TACSTD2: variants seen among roughly 807,000 people sequenced by gnomAD.
TACSTD2 encodes tumor-associated calcium signal transducer 2.
A neutral mutation model predicts 7.9 loss-of-function variants in TACSTD2; 6 were observed. That is an observed-to-expected ratio of 0.76 (90% CI 0.42 to 1.50). The LOEUF is 1.50. Ranked by LOEUF, TACSTD2 falls within the 40% of genes most tolerant of loss-of-function variation. The pLI is 0.01. For synonymous variants in TACSTD2, 220 were observed against 225.5 expected (o/e 0.98, Z 0.22); for missense variants, 511 against 471.2 (o/e 1.08, Z -0.78).
Position 58,575,989 on chromosome 1 carries a change from A to G in TACSTD2, c.*196T>C. The G allele has an allele frequency of 1.5e-6, 1 of 678,994 alleles. No individual in the cohort carries two copies. Among genetic ancestry groups the G allele is most frequent in the East Asian group, 2.8e-5 (1 of 36,222 alleles). 42.1% of individuals were successfully genotyped at this position (678,994 alleles called of 1,614,324 possible). A position where few individuals can be genotyped will look rare whatever the true frequency, so the allele number is the denominator to read the frequency against. On this transcript the variant is annotated 3_prime_UTR_variant, in exon 1 of 1. Transcript: ENST00000371225. ...ACATTTTAGAAATGCTTCCTTCAAG[A>G]CAGAAGTGAGAAAGAAAGGAGACCC...
At position 58,576,047 on chromosome 1, in the gene TACSTD2, G is replaced by C. The variant is rs553411076; in HGVS notation, c.*138C>G. 2 of 1,074,960 alleles carry C rather than the reference G, an allele frequency of 1.9e-6. No individual in the cohort carries two copies. The highest frequency in any genetic ancestry group is 2.6e-6 in the Non-Finnish European group (2 of 761,892). 66.6% of individuals were successfully genotyped at this position (1,074,960 alleles called of 1,614,324 possible). ...AGGATCTATTAAACCTGGTGTGTGC[G>C]CAAAAGGGAGGGGGAAGGCAGGAAT... On this transcript the variant is annotated 3_prime_UTR_variant, in exon 1 of 1. Transcript: ENST00000371225.
At position 58,576,035 on chromosome 1, in the gene TACSTD2, C is replaced by A; in HGVS notation, c.*150G>T. On this transcript the variant is annotated 3_prime_UTR_variant, in exon 1 of 1. Transcript: ENST00000371225. Reference sequence around the variant, plus strand: ...GACCCTGAGGCCAGGATCTATTAAACCTGGTGTGTGCGCAAAAGGGAGGGG... The same window carrying A: ...GACCCTGAGGCCAGGATCTATTAAAACTGGTGTGTGCGCAAAAGGGAGGGG... The A allele has an allele frequency of 1.1e-6, 1 of 942,998 alleles. No homozygotes were observed. The highest frequency in any genetic ancestry group is 1.6e-6 in the Non-Finnish European group (1 of 644,006). 58.4% of individuals were successfully genotyped at this position (942,998 alleles called of 1,614,324 possible).
chr1:58,577,078 G>A lies in TACSTD2; in HGVS notation c.79C>T (p.His27Tyr). ...GTGCAGTTGTCCTGCGCGGCCGTGT[G>A]GCCGGTCACCGCCGCCAGCACCAGC... ...LLLVLAAVTG[H>Y]TAAQDNCTCP... The change falls in exon 1 of 1, where the codon CAC becomes TAC. Residue 27 changes from histidine to tyrosine, a missense_variant. His to Tyr is a moderately conservative substitution (Grantham distance 83). Transcript: ENST00000371225. 6 of 1,482,748 alleles carry A rather than the reference G, an allele frequency of 4.0e-6. No individual in the cohort carries two copies. The highest frequency in any genetic ancestry group is 5.3e-6 in the Non-Finnish European group (6 of 1,125,062). The allele number at this position is 1,482,748 out of a possible 1,614,324, so 91.8% of individuals were successfully genotyped here.
Position 58,576,168 on chromosome 1 carries a change from C to G in TACSTD2, c.*17G>C, listed in dbSNP as rs758777643. The G allele has an allele frequency of 3.7e-6, 6 of 1,612,496 alleles. 1 individual carries two copies. The South Asian group carries it at 6.6e-5, about 18-fold the overall frequency. ...CGAAATCCGGTACCCCACCCCATCC[C>G]CTGCCCCGCCGGGTACCTACAAGCT... On this transcript the variant is annotated 3_prime_UTR_variant, in exon 1 of 1. Transcript: ENST00000371225.
At position 58,576,220 on chromosome 1, in the gene TACSTD2, C is replaced by G. The variant is rs529900062; in HGVS notation, c.937G>C (p.Glu313Gln). The G allele has an allele frequency of 1.4e-5, 23 of 1,614,196 alleles. No homozygotes were observed. In the African/African-American group the frequency reaches 2.8e-4, roughly 20 times the overall value. The change falls in exon 1 of 1, where the codon GAA (glutamate) becomes CAA (glutamine). Residue 313 changes from glutamate to glutamine, a missense_variant. Physicochemically the swap from Glu to Gln is conservative, Grantham distance 29 (BLOSUM62 2). Transcript: ENST00000371225. ...SGKYKKVEIKELGELRKEPSL is the reference protein window; with the variant it reads ...SGKYKKVEIKQLGELRKEPSL Reference sequence around the variant, plus strand: ...GGTTCCTTTCTCAACTCCCCCAGTTCCTTGATCTCCACCTTCTTGTACTTC... The same window carrying G: ...GGTTCCTTTCTCAACTCCCCCAGTTGCTTGATCTCCACCTTCTTGTACTTC...
rs1050879196 is a variant in TACSTD2 at position 58,575,474 on chromosome 1, A to C, written c.*711T>G. On this transcript the variant is annotated 3_prime_UTR_variant, in exon 1 of 1. Coordinates refer to ENST00000371225, the MANE Select transcript of TACSTD2 (RefSeq NM_002353.3). ...TATTAAATTCGTGTTTTATTTTAAA[A>C]AATTACAGCAACATTATCAAAGACA... 3 of 152,222 alleles carry C rather than the reference A, an allele frequency of 2.0e-5. No homozygotes were observed. Among genetic ancestry groups the C allele is most frequent in the African/African-American group, 7.2e-5 (3 of 41,458 alleles). 9.4% of individuals were successfully genotyped at this position (152,222 alleles called of 1,614,324 possible).
Position 58,575,854 on chromosome 1 carries a change from G to A in TACSTD2, c.*331C>T. The A allele has an allele frequency of 3.3e-6, 1 of 299,382 alleles. No homozygotes were observed. The highest frequency in any genetic ancestry group is 6.2e-6 in the Non-Finnish European group (1 of 160,076). The allele number at this position is 299,382 out of a possible 1,614,324, so 18.5% of individuals were successfully genotyped here. Reference sequence around the variant, plus strand: ...AATGTCGCAATGGATTCAGTTACTTGCAAACGATCCCGGGTTGTCATACAG... The same window carrying A: ...AATGTCGCAATGGATTCAGTTACTTACAAACGATCCCGGGTTGTCATACAG... On this transcript the variant is annotated 3_prime_UTR_variant, in exon 1 of 1. Coordinates refer to ENST00000371225, the MANE Select transcript of TACSTD2 (RefSeq NM_002353.3).
At position 58,576,938 on chromosome 1, in the gene TACSTD2, A is replaced by G. The variant is rs779797221; in HGVS notation, c.219T>C (p.Cys73=). The G allele has an allele frequency of 1.9e-6, 3 of 1,587,880 alleles. No individual in the cohort carries two copies. Among genetic ancestry groups the G allele is most frequent in the Non-Finnish European group, 2.6e-6 (3 of 1,172,808 alleles). ...AVDCSTLTSK[C]LLLKARMSAP... ...CGCTCATGCGCGCCTTGAGCAGCAG[A>G]CACTTGGAGGTCAGCGTGGAGCAGT... The change falls in exon 1 of 1, where the codon TGT becomes TGC. Residue 73 remains cysteine, a synonymous_variant. Transcript: ENST00000371225.
Position 58,577,002 on chromosome 1 carries a change from C to G in TACSTD2, c.155G>C (p.Arg52Pro). 1 of 1,565,606 alleles carries G rather than the reference C, an allele frequency of 6.4e-7. No homozygotes were observed. The highest frequency in any genetic ancestry group is 8.6e-7 in the Non-Finnish European group (1 of 1,158,788). ...CGAGCCCAGCGCGCGGCACTGGCAG[C>G]GGCCGCCGGGGCCGTCGGGGCTGCA... is the stretch of plus-strand genomic sequence containing the variant. ...TVCSPDGPGG[R>P]CQCRALGSGM... The change falls in exon 1 of 1, where the codon CGC (arginine) becomes CCC (proline). Residue 52 changes from arginine to proline, a missense_variant. Coordinates refer to ENST00000371225, the MANE Select transcript of TACSTD2 (RefSeq NM_002353.3).
In TACSTD2 at chr1:58,576,805, G is replaced by A. The variant is rs80358223; in HGVS notation, c.352C>T (p.Gln118Ter). ...CDPEGRFKAR[Q>*]CNQTSVCWCV... ...CAGCACACCGACGTCTGGTTGCACT[G>A]GCGCGCCTTGAAGCGGCCCTCGGGG... The change falls in exon 1 of 1, where the codon CAG (glutamine) becomes TAG (stop). Residue 118 changes from glutamine to a stop codon, truncating the protein, a stop_gained. Transcript: ENST00000371225. LOFTEE classifies it high-confidence loss of function. 4.4e-6 allele frequency: 7 copies of A among 1,597,008 alleles called. No homozygotes were observed. The East Asian group carries it at 1.6e-4, about 36-fold the overall frequency.
chr1:58,576,530 C>A lies in TACSTD2; in HGVS notation c.627G>T (p.Thr209=), dbSNP rs1283399219. 13 of 1,612,214 alleles carry A rather than the reference C, an allele frequency of 8.1e-6. No homozygotes were observed. The highest frequency in any genetic ancestry group is 1.1e-5 in the Non-Finnish European group (13 of 1,179,450). The change falls in exon 1 of 1, where the codon ACG becomes ACT. Residue 209 remains threonine (T), a synonymous_variant. Transcript: ENST00000371225. ...PTIQIELRQN[T]SQKAAGDVDI... ...CCACGTCACCGGCGGCCTTCTGAGA[C>A]GTGTTCTGCCGCAGCTCGATCTGGA...
rs1479691692 is a variant in TACSTD2 at position 58,577,248 on chromosome 1, C to T, written c.-92G>A. The stretch of plus-strand genomic sequence containing the variant: ...TCCGGCGTCTGGGATGGTCTGCAGG[C>T]GTCTGCCGCCCGGCCGCTCCCTCCG... On this transcript the variant is annotated 5_prime_UTR_variant, in exon 1 of 1. Transcript: ENST00000371225. 1.5e-6 allele frequency: 2 copies of T among 1,296,172 alleles called. No individual in the cohort carries two copies. The highest frequency in any genetic ancestry group is 2.0e-6 in the Non-Finnish European group (2 of 1,025,252). The allele number at this position is 1,296,172 out of a possible 1,614,324, so 80.3% of individuals were successfully genotyped here. A position where few individuals can be genotyped will look rare whatever the true frequency, so the allele number is the denominator to read the frequency against.
At position 58,575,834 on chromosome 1, in the gene TACSTD2, C is replaced by T. The variant is rs1646876291; in HGVS notation, c.*351G>A. The T allele has an allele frequency of 3.7e-6, 1 of 270,056 alleles. No homozygotes were observed. Among genetic ancestry groups the T allele is most frequent in the Non-Finnish European group, 7.1e-6 (1 of 141,722 alleles). The allele number at this position is 270,056 out of a possible 1,614,324, so 16.7% of individuals were successfully genotyped here. On this transcript the variant is annotated 3_prime_UTR_variant, in exon 1 of 1. Transcript: ENST00000371225. ...AAACTCATTTAAGCCTTCACAATGT[C>T]GCAATGGATTCAGTTACTTGCAAAC... is the stretch of plus-strand genomic sequence containing the variant.
Position 58,576,912 on chromosome 1 carries a change from G to C in TACSTD2, c.245C>G (p.Ala82Gly). The C allele has an allele frequency of 6.3e-7, 1 of 1,587,248 alleles. No homozygotes were observed. The highest frequency in any genetic ancestry group is 1.3e-5 in the African/African-American group (1 of 74,734). ...KCLLLKARMS[A>G]PKNARTLVRP... ...CACCAGCGTGCGGGCGTTCTTGGGG[G>C]CGCTCATGCGCGCCTTGAGCAGCAG... Residue 82 changes from alanine to glycine, a missense_variant, in exon 1 of 1, where the codon GCC becomes GGC. By Grantham distance (60) the Ala-to-Gly change is moderately conservative (BLOSUM62 0). Coordinates refer to ENST00000371225, the MANE Select transcript of TACSTD2 (RefSeq NM_002353.3).
Position 58,576,343 on chromosome 1 carries a change from G to A in TACSTD2, c.814C>T (p.Arg272Cys), listed in dbSNP as rs766066055. The A allele has an allele frequency of 6.2e-7, 1 of 1,613,042 alleles. No homozygotes were observed. Among genetic ancestry groups the A allele is most frequent in the Admixed American group, 1.7e-5 (1 of 59,858 alleles). Reference sequence around the variant, plus strand: ...ACGGCGATGAGGCCGGCGGTGAGGCGCTTCATGGAGAACTTCGGGGGAATC... The same window carrying A: ...ACGGCGATGAGGCCGGCGGTGAGGCACTTCATGGAGAACTTCGGGGGAATC... ...DEIPPKFSMKRLTAGLIAVIV... is the reference protein window; with the variant it reads ...DEIPPKFSMKCLTAGLIAVIV... The change falls in exon 1 of 1, where the codon CGC (arginine) becomes TGC (cysteine). Residue 272 changes from arginine (R) to cysteine (C), a missense_variant. Arg to Cys is a radical substitution (Grantham distance 180). Coordinates refer to ENST00000371225, the MANE Select transcript of TACSTD2 (RefSeq NM_002353.3).
In TACSTD2 at chr1:58,577,219, G is replaced by C; in HGVS notation, c.-63C>G. 1.5e-6 allele frequency: 2 copies of C among 1,317,858 alleles called. No individual in the cohort carries two copies. The highest frequency in any genetic ancestry group is 2.2e-5 in the South Asian group (1 of 44,884). The allele number at this position is 1,317,858 out of a possible 1,614,324, so 81.6% of individuals were successfully genotyped here. A position where few individuals can be genotyped will look rare whatever the true frequency, so the allele number is the denominator to read the frequency against. ...GAGGCGCGGGGACTCGTCGGGGCTC[G>C]GGCTCCGGCGTCTGGGATGGTCTGC... On this transcript the variant is annotated 5_prime_UTR_variant, in exon 1 of 1. Transcript: ENST00000371225.
rs1353853726 is a variant in TACSTD2, at chr1:58,575,954, G to C, written c.*231C>G. On this transcript the variant is annotated 3_prime_UTR_variant, in exon 1 of 1. Transcript: ENST00000371225. ...CAGTCAGGTTTCCTGTTGTTGGACC[G>C]AAAGGGGATACATTTTAGAAATGCT... 3 of 579,748 alleles carry C rather than the reference G, an allele frequency of 5.2e-6. No individual in the cohort carries two copies. The Admixed American group carries it at 1.0e-4, about 20-fold the overall frequency. The allele number at this position is 579,748 out of a possible 1,614,324, so 35.9% of individuals were successfully genotyped here.
rs748346038 is a variant in TACSTD2 at position 58,576,955 on chromosome 1, T to G, written c.202A>C (p.Thr68Pro). 6.3e-7 allele frequency: 1 copy of G among 1,584,102 alleles called. No homozygotes were observed. The highest frequency in any genetic ancestry group is 1.3e-5 in the African/African-American group (1 of 74,480). The change falls in exon 1 of 1, where the codon ACG (threonine) becomes CCG (proline). Residue 68 changes from threonine (T) to proline (P), a missense_variant. Thr to Pro is a conservative substitution (Grantham distance 38). Transcript: ENST00000371225. ...LGSGMAVDCS[T>P]LTSKCLLLKA... ...AGCAGCAGACACTTGGAGGTCAGCGTGGAGCAGTCGACCGCCATGCCCGAG... is the reference window on the plus strand; with the variant it reads ...AGCAGCAGACACTTGGAGGTCAGCGGGGAGCAGTCGACCGCCATGCCCGAG...
Position 58,576,736 on chromosome 1 carries a change from G to C in TACSTD2, c.421C>G (p.Leu141Val), listed in dbSNP as rs776575704. ...VGVRRTDKGDLSLRCDELVRT... is the reference protein window; with the variant it reads ...VGVRRTDKGDVSLRCDELVRT... The stretch of plus-strand genomic sequence containing the variant: ...ACCAGCTCATCGCAGCGTAGGCTCA[G>C]GTCGCCCTTGTCCGTGCGGCGCACG... The change falls in exon 1 of 1, where the codon CTG (leucine) becomes GTG (valine). Residue 141 changes from leucine (L) to valine (V), a missense_variant. Leu to Val is a conservative substitution (Grantham distance 32). Transcript: ENST00000371225. The C allele has an allele frequency of 1.6e-5, 26 of 1,600,370 alleles. No individual in the cohort carries two copies. The South Asian group carries it at 2.6e-4, about 16-fold the overall frequency.
Sources: allele counts gnomAD v4.1 joint callset, GRCh38; gene constraint gnomAD v4.1.1; transcripts MANE v1.5; gene names NCBI Gene and HGNC (gene_info 2026-07-23, HGNC 2026-07-21).